Variants in ZCWPW1 observed in about 807,000 individuals in gnomAD.
ZCWPW1 encodes zinc finger CW-type PWWP domain protein 1.
A neutral mutation model predicts 81.3 loss-of-function variants in ZCWPW1; 56 were observed. The ratio of observed to expected loss-of-function variants is 0.69; its 90% confidence interval spans 0.56 to 0.86. The LOEUF (loss-of-function observed/expected upper bound fraction) is 0.86. Ranked by LOEUF, ZCWPW1 falls within the 40% of genes least tolerant of loss-of-function variation. The pLI is 0.00. For synonymous variants in ZCWPW1, 250 were observed against 273.7 expected, an observed-to-expected ratio of 0.91 and a Z score of 0.86; for missense variants, 650 against 769.8, an observed-to-expected ratio of 0.84 and a Z score of 1.84.
chr7:100,427,272 C>T (rs1238026248), intron 1 of ZCWPW1, among the ~76,000 whole-genome samples: 1 of 126,444 alleles, frequency 7.9e-6, no homozygotes, highest in Non-Finnish European at 1.6e-5. Context: ...TGCTTTCTTC[C>T]TTCGTGTTTG....
Position 100,403,710 on chromosome 7 carries a change from TC to T in ZCWPW1, c.1396del (p.Glu466ArgfsTer46). 6.2e-7 allele frequency: 1 copy of T among 1,613,504 alleles called. No homozygotes were observed. The highest frequency in any genetic ancestry group is 8.5e-7 in the Non-Finnish European group (1 of 1,179,690). On this transcript the variant is annotated frameshift_variant, in exon 15 of 18. Coordinates refer to ENST00000684423, the MANE Select transcript of ZCWPW1 (RefSeq NM_001386010.1). LOFTEE classifies it high-confidence loss of function. ...KKEKEEELEK[E>X]EGEKTDPILP... ...TAATCTTACTGTTTTCTCTCCTTCC[TC>T]CTTTTCCAACTCTTCCTCTTTCTCC...
rs750791938 is a variant in ZCWPW1 at position 100,401,286 on chromosome 7, A to C, written c.1678T>G (p.Phe560Val). Reference protein sequence around the residue: ...APQSKALAASFSEGKEVRTVP... With the variant: ...APQSKALAASVSEGKEVRTVP... ...GTTCTAACTTCTTTTCCCTCTGAAA[A>C]GCTGGCTGCCAAGGCCTTGCTCTGG... Residue 560 changes from phenylalanine (F) to valine (V), a missense_variant, in exon 18 of 18, where the codon TTT (phenylalanine) becomes GTT (valine). Phe to Val is a conservative substitution (Grantham distance 50). Coordinates refer to ENST00000684423, the MANE Select transcript of ZCWPW1 (RefSeq NM_001386010.1). 1.2e-6 allele frequency: 2 copies of C among 1,600,856 alleles called. No individual in the cohort carries two copies. The highest frequency in any genetic ancestry group is 2.2e-5 in the South Asian group (2 of 89,420).
chr7:100,408,550 G>A lies in ZCWPW1; in HGVS notation c.981C>T (p.Tyr327=), dbSNP rs775065135. 5 of 1,613,640 alleles carry A rather than the reference G, an allele frequency of 3.1e-6. No homozygotes were observed. Among genetic ancestry groups the A allele is most frequent in the Non-Finnish European group, 4.2e-6 (5 of 1,179,750 alleles). ...TCATAATGCCCTACCAGGGGTAACC[G>A]TATTGCTTGGCCCAGATGATGGATC... ...IPGSIIWAKQ[Y]GYPWWPGMIE... is the part of the protein sequence containing the mutation. Residue 327 remains tyrosine, a synonymous_variant, in exon 10 of 18, where the codon TAC becomes TAT. Coordinates refer to ENST00000684423, the MANE Select transcript of ZCWPW1 (RefSeq NM_001386010.1).
At chr7:100,422,021 A>G (rs1282277128) in intron 2 of ZCWPW1, among the ~76,000 whole-genome samples, 2 of 152,170 alleles carry the variant, frequency 1.3e-5, no homozygotes, top group Non-Finnish European at 2.9e-5. Context: ...ATTACTAATG[A>G]CACTGTGACT....
chr7:100,403,837 G>A (rs1370966274), intron 14 of ZCWPW1, 52 bp from the exon 15 acceptor site: 1 of 1,522,888 alleles, frequency 6.6e-7, no homozygotes, highest in East Asian at 2.3e-5. Context: ...ATAAAATAGT[G>A]AGTTAATGAA....
intron 1 of ZCWPW1, among the ~76,000 whole-genome samples, chr7:100,427,491 G>C (rs1000645204): frequency 1.3e-5 from 2 of 151,804 alleles, no homozygotes; most frequent in Non-Finnish European, 2.9e-5. Flanking sequence ...CCTAAGGTCA[G>C]GAGTTCGAGA....
At chr7:100,412,893 T>C (rs969331759) in intron 8 of ZCWPW1, among the ~76,000 whole-genome samples, 1 of 152,088 alleles carries the variant, frequency 6.6e-6, no homozygotes, top group Non-Finnish European at 1.5e-5. Context: ...ATTTTTTAAA[T>C]ATATATTTTT....
chr7:100,406,567 A>G, intron 12 of ZCWPW1, 127 bp downstream of exon 12: 1 of 868,300 alleles, frequency 1.2e-6, no homozygotes, highest in Non-Finnish European at 1.8e-6. Flanking sequence ...GAATTACCTC[A>G]CCCTTGGCAC....
intron 12 of ZCWPW1, among the ~76,000 whole-genome samples, 180 bp from the exon 13 acceptor site, chr7:100,405,273 C>A (rs560211355): frequency 6.6e-6 from 1 of 152,050 alleles, no homozygotes; most frequent in South Asian, 2.1e-4. Flanking sequence ...AATAAAAATA[C>A]AAAAATTAGT....
intron 10 of ZCWPW1, 96 bp from the exon 11 acceptor site, chr7:100,407,399 G>A (rs1432675585): frequency 2.6e-6 from 3 of 1,161,412 alleles, no homozygotes; most frequent in South Asian, 2.7e-5. Flanking sequence ...AGAGCAGTAT[G>A]ATTTTTTTTC....
At chr7:100,406,585 C>A in intron 12 of ZCWPW1, 109 bp downstream of exon 12, 1 of 1,037,042 alleles carries the variant, frequency 9.6e-7, no homozygotes, top group Non-Finnish European at 1.4e-6. Context: ...CACACCTGGT[C>A]AGACACAGAA....
chr7:100,414,503 A>G (rs1794809888), intron 8 of ZCWPW1, among the ~76,000 whole-genome samples: 2 of 151,968 alleles, frequency 1.3e-5, no homozygotes, highest in Non-Finnish European at 2.9e-5. Context: ...GCAGCCTCCA[A>G]TTCCTGGGAT....
chr7:100,402,617 G>A (rs780458683), intron 15 of ZCWPW1, 41 bp from the exon 16 acceptor site: 5 of 1,591,186 alleles, frequency 3.1e-6, no homozygotes, highest in Non-Finnish European at 2.6e-6. Context: ...GATAAATCAA[G>A]GCCCCTAACT....
intron 12 of ZCWPW1, 89 bp downstream of exon 12, chr7:100,406,605 G>C: frequency 1.6e-6 from 2 of 1,244,896 alleles, no homozygotes; most frequent in South Asian, 2.6e-5. Context: ...ACTTTCTCCC[G>C]ACATGGCTTA....
chr7:100,420,782 G>C, intron 2 of ZCWPW1, 104 bp from the exon 3 acceptor site: 1 of 1,081,832 alleles, frequency 9.2e-7, no homozygotes, highest in Non-Finnish European at 1.4e-6. Context: ...CTCTGAACTA[G>C]GTTTCTGCAT....
chr7:100,406,939 T>A, intron 11 of ZCWPW1, 141 bp from the exon 12 acceptor site: 1 of 739,114 alleles, frequency 1.4e-6, no homozygotes, highest in Non-Finnish European at 2.2e-6. Context: ...CTGACTCATC[T>A]ACCCTACCCT....
Position 100,415,996 on chromosome 7 carries a change from T to G in ZCWPW1, c.733A>C (p.Lys245Gln). Residue 245 changes from lysine (K) to glutamine (Q), a missense_variant, in exon 8 of 18, where the codon AAA (lysine) becomes CAA (glutamine). Coordinates refer to ENST00000684423, the MANE Select transcript of ZCWPW1 (RefSeq NM_001386010.1). ...QDHSQIRDQQ[K>Q]GEISGFGQCL... is the part of the protein sequence containing the mutation. ...TCACCAAAACCACTTATCTCTCCTT[T>G]TTGCTGGTCCCTGATCTGAGAATGA... The G allele has an allele frequency of 6.2e-7, 1 of 1,614,170 alleles. No individual in the cohort carries two copies. The highest frequency in any genetic ancestry group is 8.5e-7 in the Non-Finnish European group (1 of 1,180,030).
At chr7:100,415,927 A>G (rs1383034271) in intron 8 of ZCWPW1, 48 bp downstream of exon 8, 1 of 1,612,282 alleles carries the variant, frequency 6.2e-7, no homozygotes, top group Non-Finnish European at 8.5e-7. Flanking sequence ...TCTCTGCTCT[A>G]TTTCAAATTT....
rs759192781 is a variant in ZCWPW1, at chr7:100,403,707, T to G, written c.1400A>C (p.Glu467Ala). Reference sequence around the variant, plus strand: ...AGCTAATCTTACTGTTTTCTCTCCTTCCTCCTTTTCCAACTCTTCCTCTTT... The same window carrying G: ...AGCTAATCTTACTGTTTTCTCTCCTGCCTCCTTTTCCAACTCTTCCTCTTT... Reference protein sequence around the residue: ...KEKEEELEKEEGEKTDPILPI... With the variant: ...KEKEEELEKEAGEKTDPILPI... The change falls in exon 15 of 18, where the codon GAA (glutamate) becomes GCA (alanine). Residue 467 changes from glutamate (E) to alanine (A), a missense_variant. Coordinates refer to ENST00000684423, the MANE Select transcript of ZCWPW1 (RefSeq NM_001386010.1). 6.2e-7 allele frequency: 1 copy of G among 1,613,202 alleles called. No individual in the cohort carries two copies. The highest frequency in any genetic ancestry group is 2.2e-5 in the East Asian group (1 of 44,834).
Sources: allele counts gnomAD v4.1 joint callset (sites outside exome capture counted in the v4.1 genomes callset), GRCh38; gene constraint gnomAD v4.1.1; transcripts MANE v1.5; gene names NCBI Gene and HGNC (gene_info 2026-07-23, HGNC 2026-07-21).